Variants in MRTFB observed in about 807,000 individuals in gnomAD.
The protein encoded by MRTFB is myocardin-related transcription factor B.
Under a neutral mutation model 104.2 loss-of-function variants are expected in MRTFB, and 29 were observed. The observed-to-expected ratio is 0.28, with a 90% CI of 0.21 to 0.38. The LOEUF is 0.38. MRTFB is among the 10% of genes least tolerant of loss of function. The probability of loss-of-function intolerance (pLI) is 1.00; values close to 1 mark genes in which losing one functional copy is unlikely to be tolerated. For synonymous variants in MRTFB, 535 were observed against 519.5 expected, an observed-to-expected ratio of 1.03 and a Z score of -0.41; for missense variants, 1,270 against 1,341.6, an observed-to-expected ratio of 0.95 and a Z score of 0.83.
chr16:14,186,841 G>T (rs1042999883), intron 3 of MRTFB: 15 of 1,593,146 alleles, frequency 9.4e-6, no homozygotes, highest in Non-Finnish European at 1.3e-5. Flanking sequence ...AGTGTTCTGC[G>T]CACCGCACTT....
At chr16:14,242,085 C>A (rs1597356482) in intron 10 of MRTFB, among the ~76,000 whole-genome samples, 1 of 152,050 alleles carries the variant, frequency 6.6e-6, no homozygotes, top group South Asian at 2.1e-4. Context: ...ATCCTCGCCT[C>A]AAGTCTAGGA....
At chr16:14,225,429 G>A (rs778365776) in intron 8 of MRTFB, among the ~76,000 whole-genome samples, 36 of 152,134 alleles carry the variant, frequency 2.4e-4, no homozygotes, top group Non-Finnish European at 4.6e-4. Context: ...ATCAATGTAA[G>A]ATAGAATGTC....
chr16:13,995,539 G>A, the MRTFB span, among the ~76,000 whole-genome samples: 2 of 152,194 alleles, frequency 1.3e-5, no homozygotes, highest in Non-Finnish European at 2.9e-5. Flanking sequence ...GCTTGGTTCA[G>A]TATATTCGTA....
chr16:14,070,009 T>C (rs1596672423), upstream of MRTFB, among the ~76,000 whole-genome samples: 1 of 152,172 alleles, frequency 6.6e-6, no homozygotes, highest in Non-Finnish European at 1.5e-5. Context: ...TACACAGCAA[T>C]TGGTTCCGGG....
At position 14,246,638 on chromosome 16, in the gene MRTFB, G is replaced by C. The variant is rs761518421; in HGVS notation, c.1378G>C (p.Glu460Gln). 2 of 1,614,160 alleles carry C rather than the reference G, an allele frequency of 1.2e-6. No individual in the cohort carries two copies. Among genetic ancestry groups the C allele is most frequent in the Admixed American group, 3.3e-5 (2 of 60,038 alleles). The change falls in exon 12 of 17, where the codon GAA becomes CAA. Residue 460 changes from glutamate to glutamine, a missense_variant. Glu to Gln is a conservative substitution (Grantham distance 29). Coordinates refer to ENST00000571589, the MANE Select transcript of MRTFB (RefSeq NM_001308142.2). ...ATCAGCCATTGTCACCAGTAACCCA[G>C]AAGTCACTGTGGCCTTGCCGGTTAC... ...SSSAIVTSNP[E>Q]VTVALPVTTL...
At chr16:14,257,852 A>G (rs953619671) in intron 15 of MRTFB, among the ~76,000 whole-genome samples, 1 of 152,230 alleles carries the variant, frequency 6.6e-6, no homozygotes, top group Admixed American at 6.5e-5. Flanking sequence ...AATGCAATTC[A>G]GTGATAGAAA....
chr16:14,253,112 C>G (rs1224543825), intron 15 of MRTFB, among the ~76,000 whole-genome samples: 2 of 152,156 alleles, frequency 1.3e-5, no homozygotes, highest in Non-Finnish European at 2.9e-5. Context: ...GAAGTAGCCC[C>G]AACCATACCA....
intron 2 of MRTFB, among the ~76,000 whole-genome samples, chr16:14,119,126 T>A (rs1159284466): frequency 1.3e-5 from 2 of 152,230 alleles, no homozygotes; most frequent in African/African-American, 2.4e-5. Flanking sequence ...AAGAACAGTT[T>A]GTGAATCGGG....
chr16:14,051,620 CAT>C, the MRTFB span, among the ~76,000 whole-genome samples: 2 of 151,982 alleles, frequency 1.3e-5, no homozygotes, highest in African/African-American at 4.8e-5. Context: ...CATTCACACA[CAT>C]AGATATACAA....
At chr16:14,160,765 C>G (rs2039000820) in intron 3 of MRTFB, among the ~76,000 whole-genome samples, 2 of 151,974 alleles carry the variant, frequency 1.3e-5, no homozygotes, top group Admixed American at 1.3e-4. Flanking sequence ...TGGAAAGAGT[C>G]TATCCATTAT....
rs1324671524 is a variant in MRTFB, at chr16:14,240,387, C to A, written c.982C>A (p.Arg328Ser). The A allele has an allele frequency of 6.2e-7, 1 of 1,614,200 alleles. No homozygotes were observed. Among genetic ancestry groups the A allele is most frequent in the Admixed American group, 1.7e-5 (1 of 60,024 alleles). The change falls in exon 10 of 17, where the codon CGC becomes AGC. Residue 328 changes from arginine (R) to serine (S), a missense_variant. Arg to Ser is a moderately radical substitution (Grantham distance 110). This residue lies in a region of MRTFB where 1,144 missense variants were observed against 1,131.5 expected (regional missense o/e 1.01). Transcript: ENST00000571589. ...GCCGCAGATGGACTCTAACTACGCC[C>A]GCCTGCTCCAGCAGCAGCAGCTGTT... ...NEPQMDSNYA[R>S]LLQQQQLFLQ...
intron 2 of MRTFB, among the ~76,000 whole-genome samples, chr16:14,114,731 G>A (rs181932059): frequency 6.6e-6 from 1 of 152,098 alleles, no homozygotes; most frequent in Non-Finnish European, 1.5e-5. Flanking sequence ...TTTCAGGGAC[G>A]TCTTTGTAGA....
At chr16:14,241,458 A>G (rs1261846614) in intron 10 of MRTFB, 1 of 152,230 alleles carries the variant, frequency 6.6e-6, no homozygotes, top group Non-Finnish European at 1.5e-5. Context: ...TCTGGGAAAC[A>G]GAGATAAAAA....
At chr16:14,095,760 A>C (rs2035326085) in intron 2 of MRTFB, among the ~76,000 whole-genome samples, 1 of 152,240 alleles carries the variant, frequency 6.6e-6, no homozygotes, top group East Asian at 1.9e-4. Context: ...ACTTTTCAAA[A>C]TCTGAAAAAC....
chr16:14,200,951 C>G, intron 3 of MRTFB: 1 of 1,435,500 alleles, frequency 7.0e-7, no homozygotes, highest in South Asian at 1.1e-5. Flanking sequence ...AGACAAAACA[C>G]TGGAGATGAT....
intron 13 of MRTFB, among the ~76,000 whole-genome samples, chr16:14,249,400 A>T (rs930467122): frequency 2.0e-5 from 3 of 152,248 alleles, no homozygotes; most frequent in African/African-American, 7.2e-5. Context: ...ATGTTTTCAA[A>T]TTAAACATAC....
At chr16:14,181,394 T>G (rs761424063) in intron 3 of MRTFB, among the ~76,000 whole-genome samples, 1 of 152,176 alleles carries the variant, frequency 6.6e-6, no homozygotes, top group Non-Finnish European at 1.5e-5. Flanking sequence ...CCTTCCTAAA[T>G]ACATCCAATC....
the MRTFB span, among the ~76,000 whole-genome samples, chr16:14,042,954 G>A: frequency 1.6e-4 from 25 of 152,206 alleles, no homozygotes; most frequent in East Asian, 9.7e-4. Context: ...TGTTTGCTCC[G>A]GTGAGTCTCC....
chr16:14,169,118 T>A (rs1407390978), intron 3 of MRTFB, among the ~76,000 whole-genome samples: 1 of 152,194 alleles, frequency 6.6e-6, no homozygotes, highest in Non-Finnish European at 1.5e-5. Context: ...GATTCTGCCA[T>A]TAATATTTTA....
Sources: allele counts gnomAD v4.1 joint callset (sites outside exome capture counted in the v4.1 genomes callset), GRCh38; gene constraint gnomAD v4.1.1; regional missense constraint gnomAD v4.1.1; transcripts MANE v1.5; gene names NCBI Gene and HGNC (gene_info 2026-07-23, HGNC 2026-07-21).